The following GIGYF2 variants were observed in gnomAD, a reference collection of about 807,000 sequenced individuals.
GIGYF2 encodes GRB10-interacting GYF protein 2.
In GIGYF2, 25 loss-of-function variants were observed where a neutral mutation model predicts 208.1. That is an observed-to-expected ratio of 0.12 (90% CI 0.09 to 0.17). The LOEUF is 0.17. Among genes scored for constraint, GIGYF2 ranks in the 10% least tolerant of loss-of-function variants. The pLI is 1.00. For synonymous variants in GIGYF2, 534 were observed against 543.8 expected (o/e 0.98, Z 0.25); for missense variants, 1,302 against 1,579.4 (o/e 0.82, Z 2.98).
At position 232,839,850 on chromosome 2, in the gene GIGYF2, T is replaced by C; in HGVS notation, c.2768T>C (p.Leu923Pro). The change falls in exon 23 of 29, where the codon CTT becomes CCT. Residue 923 changes from leucine to proline, a missense_variant and splice_region_variant. Around this residue, in one of 8 missense-constraint regions of GIGYF2, gnomAD observed 701 missense variants for 793.0 expected, o/e 0.88. Transcript: ENST00000373563. ...TTCTGGCCTTCCCTTTTTTGTTAGC[T>C]TCCTTCTTCTTCAACGTGGGGCCAG... The part of the protein sequence containing the change: ...QQQQQLAQMK[L>P]PSSSTWGQQS... The C allele has an allele frequency of 6.2e-7, 1 of 1,614,112 alleles. No homozygotes were observed. Among genetic ancestry groups the C allele is most frequent in the Non-Finnish European group, 8.5e-7 (1 of 1,179,968 alleles).
chr2:232,790,732 G>C lies in GIGYF2; in HGVS notation c.747G>C (p.Met249Ile). The C allele has an allele frequency of 6.2e-7, 1 of 1,614,128 alleles. No individual in the cohort carries two copies. The highest frequency in any genetic ancestry group is 1.1e-5 in the South Asian group (1 of 91,080). ...GTTCTGCAGGCTGGCGGGAACACATGGAACGACGTCGGAGGTTTGAGTTTG... is the reference window on the plus strand; with the variant it reads ...GTTCTGCAGGCTGGCGGGAACACATCGAACGACGTCGGAGGTTTGAGTTTG... ...GPRSAGWREH[M>I]ERRRRFEFDF... The change falls in exon 10 of 29, where the codon ATG (methionine) becomes ATC (isoleucine). Residue 249 changes from methionine to isoleucine, a missense_variant. This residue lies in a region of GIGYF2 where 189 missense variants were observed against 257.7 expected (regional missense o/e 0.73). Transcript: ENST00000373563.
intron 12 of GIGYF2, among the ~76,000 whole-genome samples, chr2:232,791,712 A>G (rs1559435494): frequency 6.6e-6 from 1 of 152,162 alleles, no homozygotes; most frequent in Non-Finnish European, 1.5e-5. Context: ...CCCTGTCATT[A>G]CTGGTGAACT....
chr2:232,855,792 C>G (rs1287152734), intron 28 of GIGYF2, among the ~76,000 whole-genome samples: 1 of 152,088 alleles, frequency 6.6e-6, no homozygotes, highest in Non-Finnish European at 1.5e-5. Flanking sequence ...ATGGTAACCC[C>G]CCTGCCCACC....
intron 8 of GIGYF2, among the ~76,000 whole-genome samples, chr2:232,762,226 CTTTTTTTTTTTGTT>C (rs1231551759): frequency 1.1e-5 from 1 of 92,888 alleles, no homozygotes; most frequent in Non-Finnish European, 2.3e-5. Context: ...TTAATCATGT[CTTTTTTTTTTTGTT>C]TTTTTTTTTG....
At chr2:232,715,428 T>TTG (rs1696633034) in intron 2 of GIGYF2, among the ~76,000 whole-genome samples, 1 of 152,190 alleles carries the variant, frequency 6.6e-6, no homozygotes, top group Non-Finnish European at 1.5e-5. Context: ...CCAGCAGTAA[T>TTG]TGTAATTACA....
chr2:232,784,445 A>G (rs1395282474), intron 8 of GIGYF2, among the ~76,000 whole-genome samples: 2 of 124,990 alleles, frequency 1.6e-5, no homozygotes, highest in Non-Finnish European at 3.1e-5. Flanking sequence ...GCTGGAGAGC[A>G]GTGGCGTGAT....
chr2:232,729,615 C>T, intron 2 of GIGYF2: 1 of 1,212,552 alleles, frequency 8.2e-7, no homozygotes, highest in African/African-American at 1.5e-5. Context: ...CCAACTTTAT[C>T]ATCTTCAACT....
intron 21 of GIGYF2, among the ~76,000 whole-genome samples, chr2:232,829,309 G>A (rs1701345255): frequency 6.6e-6 from 1 of 151,960 alleles, no homozygotes; most frequent in South Asian, 2.1e-4. Context: ...TGACGTTAAG[G>A]TTGCCATTCT....
chr2:232,850,690 A>G (rs1482306917), intron 28 of GIGYF2, among the ~76,000 whole-genome samples: 1 of 152,146 alleles, frequency 6.6e-6, no homozygotes, highest in African/African-American at 2.4e-5. Context: ...TCCCTGGAGG[A>G]TCCTGAGTAA....
intron 2 of GIGYF2, among the ~76,000 whole-genome samples, chr2:232,732,168 C>T (rs547039232): frequency 3.0e-4 from 45 of 152,204 alleles, no homozygotes; most frequent in African/African-American, 9.9e-4. Context: ...AAAATTTAGT[C>T]GTTTGATGCT....
chr2:232,814,564 A>ACCCCCCCCCC (rs1187503725), intron 18 of GIGYF2, among the ~76,000 whole-genome samples: 5 of 65,214 alleles, frequency 7.7e-5, no homozygotes, highest in Non-Finnish European at 9.3e-5. Context: ...CTCCACCTCA[A>ACCCCCCCCCC]ACCCCCCCCC....
At chr2:232,745,397 T>C (rs1017530183) in intron 3 of GIGYF2, among the ~76,000 whole-genome samples, 1 of 152,110 alleles carries the variant, frequency 6.6e-6, no homozygotes, top group Non-Finnish European at 1.5e-5. Flanking sequence ...TGAAGACTGC[T>C]AGGGTCATGT....
chr2:232,804,170 G>A (rs965952961), intron 14 of GIGYF2, among the ~76,000 whole-genome samples: 26 of 151,716 alleles, frequency 1.7e-4, no homozygotes, highest in Non-Finnish European at 2.6e-4. Flanking sequence ...AATTTTGTCC[G>A]TATTTACTAA....
chr2:232,820,685 C>G, intron 21 of GIGYF2, among the ~76,000 whole-genome samples: 1 of 152,164 alleles, frequency 6.6e-6, no homozygotes, highest in Non-Finnish European at 1.5e-5. Flanking sequence ...TTTCATTCTT[C>G]TGCCTGTGGA....
Position 232,707,637 on chromosome 2 carries a change from AT to A in GIGYF2, c.-44+4166del, listed in dbSNP as rs35807853. 5.6e-3 allele frequency among the ~76,000 whole-genome samples: 759 copies of A among 135,348 alleles called. 1 individual carries two copies. The highest frequency in any genetic ancestry group is 0.017 in the East Asian group (79 of 4,612). The allele number at this position is 135,348 out of a possible 152,430, so 88.8% of individuals were successfully genotyped here. ...TTTTTGTATTACTTCTACCATTGGG[AT>A]TTTTTTTTTTTTTTTTTGAGACAGA... On this transcript the variant is annotated intron_variant, in intron 2 of 28. Coordinates refer to ENST00000373563, the MANE Select transcript of GIGYF2 (RefSeq NM_001103146.3).
In GIGYF2 at chr2:232,771,505, G is replaced by A. The variant is rs575771912; in HGVS notation, c.532+10069G>A. ...TAACCACAACTTTGCCAACTCTCTC[G>A]CTTTTCTCTTCACGTTAGATGGCAT... On this transcript the variant is annotated intron_variant, in intron 8 of 28. Transcript: ENST00000373563. 2.4e-5 allele frequency: 14 copies of A among 584,402 alleles called. No individual in the cohort carries two copies. The East Asian group carries it at 3.1e-4, about 13-fold the overall frequency. The allele number at this position is 584,402 out of a possible 1,614,324, so 36.2% of individuals were successfully genotyped here. A position where few individuals can be genotyped will look rare whatever the true frequency, so the allele number is the denominator to read the frequency against.
chr2:232,850,421 C>T lies in GIGYF2; in HGVS notation c.3832+12C>T. On this transcript the variant is annotated intron_variant, in intron 28 of 28. Coordinates refer to ENST00000373563, the MANE Select transcript of GIGYF2 (RefSeq NM_001103146.3). ...TCCCAGTTTATTAGGTGAGCACGGT[C>T]CTAGTCTCAGCTGAGTGTTGGAGGA... 1 of 1,612,244 alleles carries T rather than the reference C, an allele frequency of 6.2e-7. No homozygotes were observed. The highest frequency in any genetic ancestry group is 8.5e-7 in the Non-Finnish European group (1 of 1,178,278).
chr2:232,787,187 A>C lies in GIGYF2; in HGVS notation c.570A>C (p.Val190=), dbSNP rs1699943643. 6.2e-7 allele frequency: 1 copy of C among 1,614,102 alleles called. No homozygotes were observed. The change falls in exon 9 of 29, where the codon GTA becomes GTC. Residue 190 remains valine, a synonymous_variant. Transcript: ENST00000373563. ...PNFEEGGPTS[V]GRKHEFIRSE... The stretch of plus-strand genomic sequence containing the variant: ...TTGAGGAAGGTGGACCAACATCAGT[A>C]GGGAGAAAGCATGAATTTATACGCT...
chr2:232,820,070 A>G (rs751656613), intron 21 of GIGYF2, 85 bp downstream of exon 21: 8 of 1,511,130 alleles, frequency 5.3e-6, no homozygotes, highest in East Asian at 2.4e-5. Context: ...AAGGTAGCCT[A>G]TCTAAAATTT....
Sources: gnomAD v4.1 joint callset for allele counts (sites outside exome capture counted in the v4.1 genomes callset) on GRCh38, gnomAD v4.1.1 for gene constraint, gnomAD v4.1.1 regional missense constraint, MANE v1.5 for transcripts, NCBI Gene and HGNC (gene_info 2026-07-23, HGNC 2026-07-21) for gene names.